The following TUT1 variants were observed in gnomAD, a reference collection of about 807,000 sequenced individuals.
TUT1 encodes the protein terminal uridylyl transferase 1, U6 snRNA-specific.
TUT1 carries 26 observed loss-of-function variants against 48.8 expected under a neutral mutation model. The ratio of observed to expected loss-of-function variants is 0.53; its 90% CI spans 0.39 to 0.74. The LOEUF (loss-of-function observed/expected upper bound fraction) is 0.74. TUT1 is among the 30% of genes least tolerant of loss of function. The pLI is 0.00. For synonymous variants in TUT1, 470 were observed against 460.8 expected, an observed-to-expected ratio of 1.02 and a Z score of -0.26; for missense variants, 1,065 against 1,114.8, an observed-to-expected ratio of 0.96 and a Z score of 0.64.
At chr11:62,582,752 T>C (rs891555517) in intron 2 of TUT1, among the ~76,000 whole-genome samples, 11 of 152,206 alleles carry the variant, frequency 7.2e-5, no homozygotes, top group African/African-American at 7.2e-5. Context: ...CCTATAACTT[T>C]TCCTGATATA....
In TUT1 at chr11:62,576,637, A is replaced by G. The variant is rs1201829386; in HGVS notation, c.1474+20T>C. Reference sequence around the variant, plus strand: ...TGATGAACATCATTACTAGTCCTCTACCAGGCTCCCCAAACTCACTGAGGG... The same window carrying G: ...TGATGAACATCATTACTAGTCCTCTGCCAGGCTCCCCAAACTCACTGAGGG... On this transcript the variant is annotated intron_variant, in intron 8 of 8. Transcript: ENST00000476907. 1.2e-6 allele frequency: 2 copies of G among 1,608,064 alleles called. No homozygotes were observed. Among genetic ancestry groups the G allele is most frequent in the Admixed American group, 1.7e-5 (1 of 59,956 alleles).
chr11:62,575,638 A>G lies in TUT1; in HGVS notation c.2081T>C (p.Ile694Thr), dbSNP rs757309212. 5 of 1,613,986 alleles carry G rather than the reference A, an allele frequency of 3.1e-6. No homozygotes were observed. Among genetic ancestry groups the G allele is most frequent in the South Asian group, 2.2e-5 (2 of 91,074 alleles). Residue 694 changes from isoleucine to threonine, a missense_variant, in exon 9 of 9, where the codon ATA becomes ACA. Physicochemically the swap from Ile to Thr is moderately conservative, Grantham distance 89. Transcript: ENST00000476907. ...GGEDRVEEMV[I>T]EVGEMVQDWA... ...GTCCTGCACCATCTCTCCAACCTCTATAACCATCTCTTCTACCCTGTCTTC... is the reference window on the plus strand; with the variant it reads ...GTCCTGCACCATCTCTCCAACCTCTGTAACCATCTCTTCTACCCTGTCTTC...
rs150107071 is a variant in TUT1, at chr11:62,575,399, C to T, written c.2320G>A (p.Val774Met). ...CGGGCTCGCCGCCGCCCTTGCCACA[C>T]TCGGTGCCACAAGGCACAGCGCCAG... ...ASWRCALWHRVWQGRRRARRR... is the reference protein window; with the variant it reads ...ASWRCALWHRMWQGRRRARRR... The change falls in exon 9 of 9, where the codon GTG (valine) becomes ATG (methionine). Residue 774 changes from valine to methionine, a missense_variant. Coordinates refer to ENST00000476907, the MANE Select transcript of TUT1 (RefSeq NM_022830.3). The T allele has an allele frequency of 6.3e-5, 102 of 1,612,190 alleles. No individual in the cohort carries two copies. The highest frequency in any genetic ancestry group is 7.9e-5 in the Non-Finnish European group (93 of 1,180,028).
chr11:62,583,576 A>C (rs957472750), intron 2 of TUT1, among the ~76,000 whole-genome samples: 2 of 152,150 alleles, frequency 1.3e-5, no homozygotes, highest in Non-Finnish European at 2.9e-5. Flanking sequence ...CAGTCTGTCC[A>C]GTCTGGACAA....
intron 2 of TUT1, chr11:62,582,708 C>T (rs1941850850): frequency 2.7e-6 from 1 of 377,088 alleles, no homozygotes; most frequent in South Asian, 1.9e-5. Flanking sequence ...TTGTCCCCTA[C>T]TCTTCCCAAT....
In TUT1 at chr11:62,581,565, T is replaced by C. The variant is rs1158953301; in HGVS notation, c.410A>G (p.Lys137Arg). ...EQKEFQSPASKSPKGAAPDSH... is the reference protein window; with the variant it reads ...EQKEFQSPASRSPKGAAPDSH... ...GTCGGGGGCCGCTCCTTTGGGGGAT[T>C]TGGAGGCCGGGCTCTGGAACTCCTT... is the stretch of plus-strand genomic sequence containing the variant. The change falls in exon 3 of 9, where the codon AAA (lysine) becomes AGA (arginine). Residue 137 changes from lysine to arginine, a missense_variant. Transcript: ENST00000476907. The C allele has an allele frequency of 2.5e-6, 4 of 1,612,004 alleles. No individual in the cohort carries two copies. Among genetic ancestry groups the C allele is most frequent in the African/African-American group, 1.3e-5 (1 of 74,958 alleles).
rs938543337 is a variant in TUT1, at chr11:62,591,390, T to C, written c.82+14A>G. 1.9e-6 allele frequency: 3 copies of C among 1,552,944 alleles called. No homozygotes were observed. Among genetic ancestry groups the C allele is most frequent in the African/African-American group, 2.8e-5 (2 of 72,720 alleles). ...CCGCAACCACCCCCGGGTCCCTCAC[T>C]AGCCACCGCTTACGGTTGGCTGTAG... On this transcript the variant is annotated intron_variant, in intron 1 of 8. Coordinates refer to ENST00000476907, the MANE Select transcript of TUT1 (RefSeq NM_022830.3).
chr11:62,577,704 C>A (rs529148194), intron 5 of TUT1, among the ~76,000 whole-genome samples: 1 of 152,022 alleles, frequency 6.6e-6, no homozygotes, highest in African/African-American at 2.4e-5. Context: ...AATGGAGAAA[C>A]CTTTTTGCAT....
intron 6 of TUT1, 24 bp downstream of exon 6, chr11:62,577,158 A>T (rs1166962295): frequency 2.9e-5 from 47 of 1,603,320 alleles, no homozygotes; most frequent in Non-Finnish European, 3.9e-5. Context: ...ACTCAGCCCC[A>T]AGTCTGTCCT....
intron 1 of TUT1, among the ~76,000 whole-genome samples, chr11:62,589,736 A>T (rs748078512): frequency 7.2e-5 from 11 of 152,260 alleles, no homozygotes; most frequent in Non-Finnish European, 1.5e-4. Flanking sequence ...TATCCAGGTC[A>T]TCTACACAAG....
chr11:62,581,061 T>C (rs1205894149), intron 4 of TUT1, 45 bp downstream of exon 4: 3 of 1,518,010 alleles, frequency 2.0e-6, no homozygotes, highest in Non-Finnish European at 2.7e-6. Flanking sequence ...CACATGGCCA[T>C]TCTCATGGAC....
Position 62,578,713 on chromosome 11 carries a change from C to T in TUT1, c.1008G>A (p.Glu336=), listed in dbSNP as rs1941773020. 6.2e-7 allele frequency: 1 copy of T among 1,614,098 alleles called. No homozygotes were observed. Among genetic ancestry groups the T allele is most frequent in the South Asian group, 1.1e-5 (1 of 91,084 alleles). The change falls in exon 5 of 9, where the codon GAG becomes GAA. Residue 336 remains glutamate, a synonymous_variant. Transcript: ENST00000476907. ...LAETPKEEKA[E]GAAMLELVGS... is the part of the protein sequence containing the mutation. ...CCACCAGCTCCAGCATTGCTGCCCC[C>T]TCTGCTTTCTCCTCCTTTGGGGTCT...
chr11:62,586,695 C>T (rs575503346), intron 2 of TUT1, among the ~76,000 whole-genome samples: 27 of 152,126 alleles, frequency 1.8e-4, no homozygotes, highest in African/African-American at 6.3e-4. Flanking sequence ...GTAGGCGGAT[C>T]ACCTGAGGTC....
At chr11:62,576,857 A>G (rs747361123) in intron 7 of TUT1, 50 bp downstream of exon 7, 3 of 1,600,322 alleles carry the variant, frequency 1.9e-6, no homozygotes, top group Non-Finnish European at 2.6e-6. Flanking sequence ...TGTGATGAAG[A>G]AGAGAGAGGA....
At chr11:62,590,385 C>A (rs1020239596) in intron 1 of TUT1, among the ~76,000 whole-genome samples, 3 of 152,208 alleles carry the variant, frequency 2.0e-5, no homozygotes, top group Admixed American at 6.5e-5. Context: ...GCCTGTAATC[C>A]CGGCACTTTG....
chr11:62,579,130 G>A, intron 4 of TUT1, 100 bp from the exon 5 acceptor site: 1 of 820,988 alleles, frequency 1.2e-6, no homozygotes, highest in South Asian at 4.2e-5. Flanking sequence ...CTATTCTAAG[G>A]TCTTTATACA....
rs184878265 is a variant in TUT1 at position 62,583,793 on chromosome 11, T to C, written c.274-2092A>G. Among the ~76,000 whole-genome samples the C allele has an allele frequency of 9.9e-5, 15 of 152,282 alleles. No individual in the cohort carries two copies. In the East Asian group the frequency reaches 2.7e-3, roughly 27 times the overall value. ...AGACATTCAGATGAAGGGAATGGAA[T>C]TGAGACCCTGAAAGAAATTCACACA... is the stretch of plus-strand genomic sequence containing the variant. On this transcript the variant is annotated intron_variant, in intron 2 of 8. Coordinates refer to ENST00000476907, the MANE Select transcript of TUT1 (RefSeq NM_022830.3).
At chr11:62,584,330 A>G (rs11231150) in intron 2 of TUT1, among the ~76,000 whole-genome samples, 39,149 of 151,940 alleles carry the variant, frequency 0.26, 5,990 homozygotes, top group Non-Finnish European at 0.36. Context: ...GTTTCACCAC[A>G]TTAGCCAGGC....
At chr11:62,577,138 C>T (rs1322454034) in intron 6 of TUT1, 44 bp downstream of exon 6, 1 of 1,600,474 alleles carries the variant, frequency 6.2e-7, no homozygotes, top group Non-Finnish European at 8.5e-7. Context: ...CTGCCTTTGT[C>T]CTGAGACCAA....
Sources: allele counts gnomAD v4.1 joint callset (sites outside exome capture counted in the v4.1 genomes callset), GRCh38; gene constraint gnomAD v4.1.1; transcripts MANE v1.5; gene names NCBI Gene and HGNC (gene_info 2026-07-23, HGNC 2026-07-21).